GRB10: variants seen among roughly 807,000 people sequenced by gnomAD.
GRB10 encodes the protein growth factor receptor-bound protein 10.
GRB10 carries 20 observed loss-of-function variants against 80.9 expected under a neutral mutation model. The observed-to-expected ratio is 0.25, with a 90% confidence interval of 0.17 to 0.36. The LOEUF (loss-of-function observed/expected upper bound fraction) is 0.36. Ranked by LOEUF, GRB10 falls within the 10% of genes least tolerant of loss-of-function variation. The pLI is 1.00. For missense variants in GRB10, 548 were observed against 747.7 expected (o/e 0.73, Z 3.12); for synonymous variants, 291 against 291.5 (o/e 1.00, Z 0.02).
At chr7:50,725,059 C>A (rs978691929) in intron 4 of GRB10, among the ~76,000 whole-genome samples, 1 of 152,178 alleles carries the variant, frequency 6.6e-6, no homozygotes, top group Non-Finnish European at 1.5e-5. Context: ...TGCTGGTTAC[C>A]TGCCTGCTGC....
At chr7:50,691,806 G>C (rs2062847694) in intron 5 of GRB10, among the ~76,000 whole-genome samples, 2 of 152,070 alleles carry the variant, frequency 1.3e-5, no homozygotes, top group African/African-American at 4.8e-5. Flanking sequence ...TCTGGGGTGG[G>C]GGCAGTCACA....
intron 3 of GRB10, 97 bp from the exon 4 acceptor site, chr7:50,732,465 C>T: frequency 1.3e-6 from 1 of 778,424 alleles, no homozygotes; most frequent in South Asian, 1.5e-5. Context: ...GAATGGGCAG[C>T]TCTTGGTCTT....
chr7:50,729,241 A>C (rs908988679), intron 4 of GRB10: 6 of 152,248 alleles, frequency 3.9e-5, no homozygotes, highest in Admixed American at 3.9e-4. Flanking sequence ...CAGAAATCAG[A>C]AAACTATGAA....
chr7:50,766,293 T>C (rs1159455355), intron 2 of GRB10, among the ~76,000 whole-genome samples: 1 of 152,190 alleles, frequency 6.6e-6, no homozygotes, highest in Non-Finnish European at 1.5e-5. Context: ...CACTGCTCTA[T>C]ACCTAAACAC....
At chr7:50,759,159 C>T (rs1004413415) in intron 2 of GRB10, among the ~76,000 whole-genome samples, 19 of 149,466 alleles carry the variant, frequency 1.3e-4, no homozygotes, top group African/African-American at 4.7e-4. Context: ...CACCAATGCA[C>T]TCCAGCCTGG....
rs542100495 is a variant in GRB10 at position 50,665,883 on chromosome 7, G to A, written c.504+3839C>T. Among the ~76,000 whole-genome samples the A allele has an allele frequency of 5.9e-5, 9 of 152,302 alleles. No individual in the cohort carries two copies. The East Asian group carries it at 1.5e-3, about 26-fold the overall frequency. The stretch of plus-strand genomic sequence containing the variant: ...TGCGCCGGTGTACGTCTCCCCCACA[G>A]CTGGAGGATCACAGGTTTGAAACTC... On this transcript the variant is annotated intron_variant, in intron 7 of 18. Transcript: ENST00000401949.
chr7:50,644,645 G>A (rs1348584565), intron 7 of GRB10, among the ~76,000 whole-genome samples: 3 of 152,214 alleles, frequency 2.0e-5, no homozygotes, highest in African/African-American at 7.2e-5. Flanking sequence ...GATTTCCTGA[G>A]TAGGGAACCT....
chr7:50,736,839 G>A (rs192179852), intron 3 of GRB10, among the ~76,000 whole-genome samples: 1 of 152,158 alleles, frequency 6.6e-6, no homozygotes, highest in Non-Finnish European at 1.5e-5. Context: ...ACATCAGCAT[G>A]CAACAAAATG....
chr7:50,775,855 G>A (rs1270465595), intron 2 of GRB10, among the ~76,000 whole-genome samples: 4 of 152,174 alleles, frequency 2.6e-5, no homozygotes, highest in Non-Finnish European at 5.9e-5. Flanking sequence ...AGCTGCACTT[G>A]AGCCCCCTTG....
In GRB10 at chr7:50,665,095, C is replaced by A. The variant is rs78337792; in HGVS notation, c.504+4627G>T. ...AGAAGCTATACCTTCCAATGAAAGT[C>A]ACTCACTGCTGACAAGGAGGACTGC... On this transcript the variant is annotated intron_variant, in intron 7 of 18. Transcript: ENST00000401949. Among the ~76,000 whole-genome samples the A allele has an allele frequency of 6.5e-3, 990 of 152,334 alleles. 18 individuals carry two copies. Among genetic ancestry groups the A allele is most frequent in the African/African-American group, 0.023 (959 of 41,568 alleles).
intron 1 of GRB10, among the ~76,000 whole-genome samples, chr7:50,789,502 A>G (rs2078826168): frequency 6.6e-6 from 1 of 152,228 alleles, no homozygotes; most frequent in African/African-American, 2.4e-5. Flanking sequence ...TAGTACAACC[A>G]GGAGTCAACT....
intron 5 of GRB10, among the ~76,000 whole-genome samples, chr7:50,703,025 A>G (rs912361638): frequency 6.6e-6 from 1 of 152,240 alleles, no homozygotes; most frequent in Admixed American, 6.5e-5. Flanking sequence ...ATGTCACTTC[A>G]AAGTTTTCTA....
rs1051640067 is a variant in GRB10 at position 50,591,561 on chromosome 7, C to T, written c.*1391G>A. On this transcript the variant is annotated 3_prime_UTR_variant, in exon 19 of 19. Coordinates refer to ENST00000401949, the MANE Select transcript of GRB10 (RefSeq NM_001350814.2). ...GGTAAGGAAATGGCCACTCTCACAC[C>T]TGATCACTAAGCTAAGGGGACGTGG... The T allele has an allele frequency of 6.6e-6, 1 of 152,276 alleles. No homozygotes were observed. The highest frequency in any genetic ancestry group is 1.5e-5 in the Non-Finnish European group (1 of 68,074). 9.4% of individuals were successfully genotyped at this position (152,276 alleles called of 1,614,324 possible). A position where few individuals can be genotyped will look rare whatever the true frequency, so the allele number is the denominator to read the frequency against.
chr7:50,606,893 A>G (rs973987458), intron 13 of GRB10: 4 of 183,198 alleles, frequency 2.2e-5, no homozygotes. Context: ...GTATGTATCA[A>G]GCAATTTAAG....
chr7:50,706,876 TG>T (rs2153670870), intron 4 of GRB10, among the ~76,000 whole-genome samples: 1 of 152,348 alleles, frequency 6.6e-6, no homozygotes, highest in East Asian at 1.9e-4. Context: ...GGCTGAGCCC[TG>T]GGTGAGCACC....
intron 4 of GRB10, among the ~76,000 whole-genome samples, chr7:50,724,490 G>A (rs1012798057): frequency 4.6e-5 from 7 of 152,222 alleles, no homozygotes; most frequent in Non-Finnish European, 8.8e-5. Flanking sequence ...ACAGCAGTGG[G>A]TGCATGAAGA....
rs530500935 is a variant in GRB10, at chr7:50,703,725, T to C, written c.139+96A>G. The stretch of plus-strand genomic sequence containing the variant: ...AGAAGAACCAATGTTAGAATTGTAA[T>C]CTATTAGTGTCAAGAGCAACATTTT... On this transcript the variant is annotated intron_variant, in intron 5 of 18. Coordinates refer to ENST00000401949, the MANE Select transcript of GRB10 (RefSeq NM_001350814.2). 5.1e-5 allele frequency: 43 copies of C among 840,962 alleles called. No homozygotes were observed. The African/African-American group carries it at 6.8e-4, about 13-fold the overall frequency. The allele number at this position is 840,962 out of a possible 1,614,324, so 52.1% of individuals were successfully genotyped here.
intron 5 of GRB10, among the ~76,000 whole-genome samples, chr7:50,693,211 T>C (rs1441158212): frequency 1.3e-5 from 2 of 152,132 alleles, no homozygotes; most frequent in African/African-American, 4.8e-5. Flanking sequence ...AAGAATGGCT[T>C]CTTGGAGGAA....
intron 6 of GRB10, among the ~76,000 whole-genome samples, chr7:50,670,519 A>T (rs2060247365): frequency 8.2e-6 from 1 of 121,602 alleles, no homozygotes; most frequent in South Asian, 2.9e-4. Flanking sequence ...CTTCTTCATT[A>T]GGCATCGGGG....
Sources: gnomAD v4.1 joint callset for allele counts (sites outside exome capture counted in the v4.1 genomes callset) on GRCh38, gnomAD v4.1.1 for gene constraint, MANE v1.5 for transcripts, NCBI Gene and HGNC (gene_info 2026-07-23, HGNC 2026-07-21) for gene names.